Variants in TENM2 observed in about 807,000 individuals in gnomAD.
The protein encoded by TENM2 is teneurin-2.
In TENM2, 52 loss-of-function variants were observed where a neutral mutation model predicts 245.2. The observed-to-expected ratio is 0.21, with a 90% CI of 0.17 to 0.27. The LOEUF (loss-of-function observed/expected upper bound fraction) is 0.27. TENM2 is among the 10% of genes least tolerant of loss of function. TENM2 has a pLI of 1.00. For synonymous variants in TENM2, 1,363 were observed against 1,438.9 expected (o/e 0.95, Z 1.19); for missense variants, 3,046 against 3,666.8 (o/e 0.83, Z 4.37).
chr5:168,011,016 C>A (rs1785179711), intron 5 of TENM2, among the ~76,000 whole-genome samples: 1 of 152,204 alleles, frequency 6.6e-6, no homozygotes, highest in South Asian at 2.1e-4. Flanking sequence ...ACATTTTGCC[C>A]ATTAAGCTGA....
At chr5:167,322,227 G>A (rs199878894) in intron 1 of TENM2, among the ~76,000 whole-genome samples, 1 of 135,578 alleles carries the variant, frequency 7.4e-6, no homozygotes, top group East Asian at 2.1e-4. Context: ...TTTTTTTTTT[G>A]TTGCTGTTGT....
At chr5:167,353,500 G>GTTTTTTTTGT (rs1759077726) in intron 1 of TENM2, among the ~76,000 whole-genome samples, 1 of 79,440 alleles carries the variant, frequency 1.3e-5, no homozygotes, top group Non-Finnish European at 2.1e-5. Flanking sequence ...TGTTGTTGTT[G>GTTTTTTTTGT]TTTTTTTTTT....
intron 23 of TENM2, 75 bp from the exon 26 acceptor site, chr5:168,225,999 CTTTCTCTGGCCCTG>C: frequency 4.6e-6 from 6 of 1,304,202 alleles, no homozygotes; most frequent in Non-Finnish European, 6.3e-6. Flanking sequence ...CTTCCCAGCT[CTTTCTCTGGCCCTG>C]TGAGTCTTGG....
At chr5:167,583,296 C>T (rs1355193271) in intron 2 of TENM2, among the ~76,000 whole-genome samples, 2 of 152,294 alleles carry the variant, frequency 1.3e-5, no homozygotes, top group East Asian at 3.9e-4. Flanking sequence ...TATCAATAAG[C>T]TATTCCCATA....
At chr5:167,895,952 C>T (rs991038678) in intron 3 of TENM2, among the ~76,000 whole-genome samples, 12 of 152,212 alleles carry the variant, frequency 7.9e-5, no homozygotes, top group African/African-American at 1.2e-4. Flanking sequence ...ATGCAACATA[C>T]AGGAAATCTG....
At position 167,560,008 on chromosome 5, in the gene TENM2, C is replaced by T. The variant is rs181713507; in HGVS notation, c.502+184535C>T. Among the ~76,000 whole-genome samples the T allele has an allele frequency of 1.7e-3, 255 of 152,122 alleles. 1 individual carries two copies. Among genetic ancestry groups the T allele is most frequent in the African/African-American group, 5.8e-3 (240 of 41,502 alleles). The stretch of plus-strand genomic sequence containing the variant: ...TCCTCTCACCCCTCCCACTCTGTGG[C>T]GATGCTTCCTTGGCATCTCAGATCC... On this transcript the variant is annotated intron_variant, in intron 2 of 28. Coordinates refer to ENST00000518659, the Ensembl canonical transcript of TENM2.
intron 3 of TENM2, among the ~76,000 whole-genome samples, chr5:167,933,271 C>CT (rs1232918018): frequency 5.9e-5 from 9 of 152,130 alleles, no homozygotes; most frequent in Non-Finnish European, 1.0e-4. Context: ...TAACACATGA[C>CT]TTTTAAAAAT....
chr5:167,084,012 C>T, the TENM2 span, among the ~76,000 whole-genome samples: 3 of 151,896 alleles, frequency 2.0e-5, no homozygotes, highest in South Asian at 2.1e-4. Context: ...ATATAAATCA[C>T]GTACTGAAGG....
the TENM2 span, among the ~76,000 whole-genome samples, chr5:167,198,677 A>G: frequency 6.6e-6 from 1 of 152,156 alleles, no homozygotes; most frequent in Non-Finnish European, 1.5e-5. Flanking sequence ...CAAATTTCAA[A>G]TAGGTGAGGA....
chr5:167,040,125 C>T, the TENM2 span, among the ~76,000 whole-genome samples: 4 of 152,026 alleles, frequency 2.6e-5, no homozygotes, highest in Non-Finnish European at 5.9e-5. Context: ...TATCAAAAAT[C>T]AAATCTCCTC....
intron 3 of TENM2, among the ~76,000 whole-genome samples, chr5:167,939,166 AC>A (rs1466028242): frequency 3.9e-5 from 6 of 152,136 alleles, no homozygotes; most frequent in Admixed American, 3.3e-4. Flanking sequence ...GGCACCGAGG[AC>A]CAGTTTCACG....
intron 2 of TENM2, among the ~76,000 whole-genome samples, chr5:167,648,549 C>T (rs1172501431): frequency 6.6e-6 from 1 of 152,132 alleles, no homozygotes; most frequent in Admixed American, 6.5e-5. Context: ...CCGTACCTTC[C>T]TCATTTTCTC....
intron 1 of TENM2, among the ~76,000 whole-genome samples, chr5:167,288,105 C>A (rs150360811): frequency 2.6e-5 from 4 of 152,084 alleles, no homozygotes; most frequent in African/African-American, 9.7e-5. Flanking sequence ...ATGTGATATA[C>A]AAGACATTCT....
chr5:168,249,145 A>G (rs964383518), intron 27 of TENM2, among the ~76,000 whole-genome samples: 2 of 151,484 alleles, frequency 1.3e-5, no homozygotes, highest in African/African-American at 4.8e-5. Context: ...AAAAAAGTAA[A>G]TGAACTTGTG....
the TENM2 span, among the ~76,000 whole-genome samples, chr5:167,195,936 A>G: frequency 1.3e-5 from 2 of 152,034 alleles, no homozygotes; most frequent in East Asian, 3.9e-4. Context: ...TGAAATCAAT[A>G]TTTATATAAT....
chr5:167,511,612 C>A (rs186131149), intron 2 of TENM2, among the ~76,000 whole-genome samples: 1 of 152,264 alleles, frequency 6.6e-6, no homozygotes, highest in Non-Finnish European at 1.5e-5. Flanking sequence ...GTTTCCTTCT[C>A]CATGAATGAG....
the TENM2 span, among the ~76,000 whole-genome samples, chr5:167,001,832 CT>C: frequency 4.6e-5 from 7 of 150,596 alleles, no homozygotes; most frequent in African/African-American, 1.5e-4. Context: ...AGCTCCCTCT[CT>C]TTTTTTTTAA....
At chr5:167,007,770 A>G in the TENM2 span, among the ~76,000 whole-genome samples, 1 of 152,184 alleles carries the variant, frequency 6.6e-6, no homozygotes, top group South Asian at 2.1e-4. The surrounding 1 kb of genome is among the most constrained non-coding windows in gnomAD (Gnocchi z 4.2). Flanking sequence ...ATAGTGCATA[A>G]TAAGCCACTG....
the TENM2 span, among the ~76,000 whole-genome samples, chr5:167,041,145 A>G: frequency 6.6e-6 from 1 of 152,244 alleles, no homozygotes; most frequent in Non-Finnish European, 1.5e-5. Context: ...TTGGCATTCA[A>G]GTTGTGACAT....
Sources: allele counts gnomAD v4.1 joint callset (sites outside exome capture counted in the v4.1 genomes callset), GRCh38; gene constraint gnomAD v4.1.1; non-coding constraint Gnocchi (gnomAD v3.1); transcripts MANE v1.5; gene names NCBI Gene and HGNC (gene_info 2026-07-23, HGNC 2026-07-21).